TIAM1: variants seen among roughly 807,000 people sequenced by gnomAD.
TIAM1 encodes TIAM Rac1 associated GEF 1.
A neutral mutation model predicts 163.5 loss-of-function variants in TIAM1; 65 were observed. The ratio of observed to expected loss-of-function variants is 0.40; its 90% CI spans 0.33 to 0.49. The LOEUF is 0.49. TIAM1 is among the 20% of genes least tolerant of loss of function. The probability of loss-of-function intolerance (pLI) is 0.77; values close to 1 mark genes in which losing one functional copy is unlikely to be tolerated. For synonymous variants in TIAM1, 833 were observed against 810.1 expected (o/e 1.03, Z -0.48); for missense variants, 1,789 against 2,044.7 (o/e 0.87, Z 2.41).
intron 1 of TIAM1, among the ~76,000 whole-genome samples, chr21:31,496,106 TC>T (rs998211627): frequency 3.9e-5 from 6 of 152,164 alleles, no homozygotes; most frequent in African/African-American, 1.4e-4. Context: ...TATGTCCGTA[TC>T]TTGGTTTTTA....
rs2082860439 is a variant in TIAM1 at position 31,141,852 on chromosome 21, G to C, written c.3476-348C>G. ...GACACCTGGGGCCTTACTGTCCATGGGGAGACTGCCCCGCCCACGCTGGCC... is the reference window on the plus strand; with the variant it reads ...GACACCTGGGGCCTTACTGTCCATGCGGAGACTGCCCCGCCCACGCTGGCC... On this transcript the variant is annotated intron_variant, in intron 20 of 27. Coordinates refer to ENST00000541036, the MANE Select transcript of TIAM1 (RefSeq NM_001353694.2). The surrounding 1 kb of genome is among the most constrained non-coding windows in gnomAD (Gnocchi z 4.7). 6.6e-6 allele frequency among the ~76,000 whole-genome samples: 1 copy of C among 152,016 alleles called. No individual in the cohort carries two copies. Among genetic ancestry groups the C allele is most frequent in the South Asian group, 2.1e-4 (1 of 4,810 alleles).
chr21:31,223,281 A>T, intron 8 of TIAM1, 125 bp downstream of exon 8: 1 of 1,044,464 alleles, frequency 9.6e-7, no homozygotes, highest in Admixed American at 2.5e-5. Context: ...CTGCAAAGGG[A>T]GGGCATTTCA....
At chr21:31,369,563 T>C (rs2076560145) in intron 2 of TIAM1, among the ~76,000 whole-genome samples, 1 of 152,190 alleles carries the variant, frequency 6.6e-6, no homozygotes, top group African/African-American at 2.4e-5. Flanking sequence ...GAAAGGATTC[T>C]GAATGTTCCC....
At chr21:31,267,761 C>T (rs992773987) in intron 3 of TIAM1, among the ~76,000 whole-genome samples, 7 of 152,134 alleles carry the variant, frequency 4.6e-5, no homozygotes, top group African/African-American at 1.7e-4. Context: ...AGAAACTCCG[C>T]TCTCTGCTTA....
intron 1 of TIAM1, among the ~76,000 whole-genome samples, chr21:31,515,674 C>T (rs562359467): frequency 6.6e-6 from 1 of 152,158 alleles, no homozygotes; most frequent in African/African-American, 2.4e-5. Flanking sequence ...AGACATGCAG[C>T]GCCAGCAACA....
intron 17 of TIAM1, 63 bp from the exon 18 acceptor site, chr21:31,153,197 A>G: frequency 7.5e-7 from 1 of 1,337,266 alleles, no homozygotes; most frequent in Non-Finnish European, 1.1e-6. Flanking sequence ...CCTAGAACTT[A>G]AAGTATAAAG....
intron 2 of TIAM1, among the ~76,000 whole-genome samples, chr21:31,325,890 C>T (rs182752000): frequency 1.1e-4 from 16 of 152,148 alleles, no homozygotes; most frequent in Admixed American, 6.5e-5. Flanking sequence ...CATGCAACTG[C>T]GAATAAAAGC....
At chr21:31,302,815 C>A (rs1280497795) in intron 2 of TIAM1, among the ~76,000 whole-genome samples, 4 of 152,160 alleles carry the variant, frequency 2.6e-5, no homozygotes, top group Non-Finnish European at 5.9e-5. Context: ...AAATTAAAAT[C>A]TATCTATATT....
Position 31,118,975 on chromosome 21 carries a change from TTAAAG to T in TIAM1, c.*1388_*1392del, listed in dbSNP as rs1364951454. The T allele has an allele frequency of 1.7e-5, 3 of 179,140 alleles. No homozygotes were observed. The highest frequency in any genetic ancestry group is 7.2e-5 in the African/African-American group (3 of 41,728). The allele number at this position is 179,140 out of a possible 1,614,324, so 11.1% of individuals were successfully genotyped here. Reference sequence around the variant, plus strand: ...TAAAGCTACTATAAAATTCAGGTCTTTAAAGTACCTACTGATGTGTCAAACACCAA... The same window carrying T: ...TAAAGCTACTATAAAATTCAGGTCTTTACCTACTGATGTGTCAAACACCAA... On this transcript the variant is annotated 3_prime_UTR_variant, in exon 28 of 28. Coordinates refer to ENST00000541036, the MANE Select transcript of TIAM1 (RefSeq NM_001353694.2).
chr21:31,359,479 G>A (rs527357966), intron 2 of TIAM1, among the ~76,000 whole-genome samples: 7 of 152,154 alleles, frequency 4.6e-5, no homozygotes, highest in Non-Finnish European at 1.0e-4. Flanking sequence ...AAGAAAGAAA[G>A]AGAAGGTAGG....
intron 2 of TIAM1, among the ~76,000 whole-genome samples, chr21:31,362,110 T>C (rs2076416632): frequency 6.6e-6 from 1 of 152,006 alleles, no homozygotes; most frequent in African/African-American, 2.4e-5. Context: ...CAGTGAGGTA[T>C]GATTGTGCCA....
rs557256628 is a variant in TIAM1 at position 31,493,926 on chromosome 21, A to T, written c.-421-29891T>A. On this transcript the variant is annotated intron_variant, in intron 1 of 28. Coordinates refer to the TIAM1 transcript ENST00000286827. ...CAGGAATTAGATCTATTTCTTTTTTAAAAAAAAAGACAGAGTGTCACTCTG... is the reference window on the plus strand; with the variant it reads ...CAGGAATTAGATCTATTTCTTTTTTTAAAAAAAAGACAGAGTGTCACTCTG... Among the ~76,000 whole-genome samples the T allele has an allele frequency of 7.1e-3, 560 of 78,726 alleles. 7 individuals carry two copies. Among genetic ancestry groups the T allele is most frequent in the Middle Eastern group, 0.022 (4 of 182 alleles). 51.6% of individuals were successfully genotyped at this position (78,726 alleles called of 152,430 possible).
At chr21:31,130,860 C>T (rs755526511) in intron 24 of TIAM1, 30 bp downstream of exon 24, 24 of 1,606,574 alleles carry the variant, frequency 1.5e-5, no homozygotes, top group Non-Finnish European at 2.0e-5. Flanking sequence ...GAAATAGTTT[C>T]AAACCATGGG....
At chr21:31,265,924 G>A in intron 4 of TIAM1, 86 bp downstream of exon 4, 2 of 1,525,246 alleles carry the variant, frequency 1.3e-6, no homozygotes, top group Non-Finnish European at 1.8e-6. Context: ...CCGATTAAAA[G>A]ATGGAAATCT....
chr21:31,416,181 A>G (rs2147249923), intron 2 of TIAM1, among the ~76,000 whole-genome samples: 1 of 152,158 alleles, frequency 6.6e-6, no homozygotes, highest in Admixed American at 6.5e-5. Flanking sequence ...CCCATAGGAC[A>G]ACTCCTCTCC....
chr21:31,224,075 G>A (rs2087785230), intron 7 of TIAM1, among the ~76,000 whole-genome samples: 1 of 152,162 alleles, frequency 6.6e-6, no homozygotes, highest in Non-Finnish European at 1.5e-5. Flanking sequence ...CCAGACTCTG[G>A]AATACAAAGT....
At chr21:31,521,779 A>ACACACACACACACAC (rs1432336156) in intron 1 of TIAM1, among the ~76,000 whole-genome samples, 1 of 77,398 alleles carries the variant, frequency 1.3e-5, no homozygotes, top group Non-Finnish European at 3.2e-5. Context: ...CACACACACA[A>ACACACACACACACAC]AGTAAAGGAC....
At chr21:31,339,974 G>A (rs942934701) in intron 1 of TIAM1, among the ~76,000 whole-genome samples, 4 of 152,016 alleles carry the variant, frequency 2.6e-5, no homozygotes, top group African/African-American at 9.7e-5. Flanking sequence ...AGCACCACTG[G>A]GTCATAGTGG....
At chr21:31,302,287 A>G (rs1014742970) in intron 2 of TIAM1, among the ~76,000 whole-genome samples, 1 of 152,246 alleles carries the variant, frequency 6.6e-6, no homozygotes, top group African/African-American at 2.4e-5. Context: ...AGTCTTGGTA[A>G]TATGAATATA....
Sources: gnomAD v4.1 joint callset for allele counts (sites outside exome capture counted in the v4.1 genomes callset) on GRCh38, gnomAD v4.1.1 for gene constraint, Gnocchi (gnomAD v3.1) non-coding constraint, MANE v1.5 for transcripts, NCBI Gene and HGNC (gene_info 2026-07-23, HGNC 2026-07-21) for gene names.